NIPSNAP2: variants seen among roughly 807,000 people sequenced by gnomAD.
NIPSNAP2 encodes protein NipSnap homolog 2.
Under a neutral mutation model 48.4 loss-of-function variants are expected in NIPSNAP2, and 42 were observed. That is an observed-to-expected ratio of 0.87 (90% CI 0.68 to 1.12). The LOEUF is 1.12. Among genes scored for constraint, NIPSNAP2 ranks in the 50% most tolerant of loss-of-function variants. The pLI is 0.00. For synonymous variants in NIPSNAP2, 158 were observed against 126.6 expected (o/e 1.25, Z -1.67); for missense variants, 314 against 347.3 (o/e 0.90, Z 0.76).
At chr7:55,985,857 C>T (rs1033076418) in intron 7 of NIPSNAP2, among the ~76,000 whole-genome samples, 3 of 150,722 alleles carry the variant, frequency 2.0e-5, no homozygotes, top group South Asian at 2.1e-4. Flanking sequence ...AGACCAGCCT[C>T]GCTAACATGG....
At chr7:55,971,053 C>G (rs1379233013) in intron 1 of NIPSNAP2, among the ~76,000 whole-genome samples, 1 of 152,146 alleles carries the variant, frequency 6.6e-6, no homozygotes, top group African/African-American at 2.4e-5. Context: ...GACTTGATTT[C>G]AAGTCTAGTG....
intron 8 of NIPSNAP2, among the ~76,000 whole-genome samples, chr7:55,996,224 T>G (rs904820962): frequency 2.4e-4 from 35 of 148,166 alleles, no homozygotes; most frequent in African/African-American, 8.7e-4. Context: ...AGGCGGAGGT[T>G]GCAGTGAGCC....
At chr7:55,977,747 C>A (rs2116343774) in intron 1 of NIPSNAP2, among the ~76,000 whole-genome samples, 1 of 152,212 alleles carries the variant, frequency 6.6e-6, no homozygotes, top group East Asian at 1.9e-4. Flanking sequence ...AGAATTTCTT[C>A]ATCTTCCTAA....
Position 55,989,639 on chromosome 7 carries a change from A to G in NIPSNAP2, c.617+4761A>G, listed in dbSNP as rs545179133. 3.9e-5 allele frequency among the ~76,000 whole-genome samples: 6 copies of G among 152,144 alleles called. No homozygotes were observed. In the South Asian group the frequency reaches 1.2e-3, roughly 32 times the overall value. On this transcript the variant is annotated intron_variant, in intron 7 of 9. Coordinates refer to ENST00000322090, the MANE Select transcript of NIPSNAP2 (RefSeq NM_001483.3). ...GATCCTGTCCCAAAAAAGCCTCAAT[A>G]ATTAAGAGGGATGCAAGAATAAATT...
At chr7:55,997,641 C>G (rs991265911) in intron 9 of NIPSNAP2, among the ~76,000 whole-genome samples, 192 bp downstream of exon 9, 3 of 152,054 alleles carry the variant, frequency 2.0e-5, no homozygotes, top group Non-Finnish European at 4.4e-5. Flanking sequence ...AGTAGAATAT[C>G]CATGCTTTCA....
At chr7:55,997,509 C>T (rs1285913295) in intron 9 of NIPSNAP2, 60 bp downstream of exon 9, 2 of 1,285,018 alleles carry the variant, frequency 1.6e-6, no homozygotes, top group East Asian at 4.7e-5. Context: ...CATGTTCTTT[C>T]ACCCTGACAC....
At chr7:55,991,898 G>C (rs10435504) in intron 7 of NIPSNAP2, 155,358 of 217,058 alleles carry the variant, frequency 0.72, 56,290 homozygotes, top group Non-Finnish European at 0.76. Flanking sequence ...AGTATGTTTT[G>C]TTTGCCTACC....
At chr7:55,986,349 T>A (rs1410668717) in intron 7 of NIPSNAP2, among the ~76,000 whole-genome samples, 2 of 151,750 alleles carry the variant, frequency 1.3e-5, no homozygotes, top group Non-Finnish European at 2.9e-5. Flanking sequence ...TGGGAGAGAA[T>A]AAGACCCTGT....
At chr7:55,973,662 T>G (rs1474610199) in intron 1 of NIPSNAP2, among the ~76,000 whole-genome samples, 1 of 150,232 alleles carries the variant, frequency 6.7e-6, no homozygotes, top group Non-Finnish European at 1.5e-5. Context: ...TTTTGTAGTG[T>G]TAGTAGAGAC....
intron 5 of NIPSNAP2, among the ~76,000 whole-genome samples, chr7:55,983,240 A>G (rs766484175): frequency 6.6e-6 from 1 of 152,204 alleles, no homozygotes; most frequent in Non-Finnish European, 1.5e-5. Flanking sequence ...TGTTTGTCAC[A>G]CACATAGAGT....
chr7:55,994,864 T>A (rs1413031014), intron 7 of NIPSNAP2, 30 bp from the exon 8 acceptor site: 5 of 1,587,340 alleles, frequency 3.1e-6, no homozygotes, highest in Non-Finnish European at 4.3e-6. Flanking sequence ...TAATTCAGTG[T>A]CTTAAACAAA....
In NIPSNAP2 at chr7:55,977,730, C is replaced by G. The variant is rs142074555; in HGVS notation, c.93-396C>G. ...ATTTTGGGGAAACATCACTACCATTCATCTTGAGAATTTCTTCATCTTCCT... is the reference window on the plus strand; with the variant it reads ...ATTTTGGGGAAACATCACTACCATTGATCTTGAGAATTTCTTCATCTTCCT... On this transcript the variant is annotated intron_variant, in intron 1 of 9. Coordinates refer to ENST00000322090, the MANE Select transcript of NIPSNAP2 (RefSeq NM_001483.3). Among the ~76,000 whole-genome samples, 4 of 152,236 alleles carry G rather than the reference C, an allele frequency of 2.6e-5. No homozygotes were observed. In the East Asian group the frequency reaches 7.7e-4, roughly 29 times the overall value.
chr7:55,968,828 C>T (rs1269438316), intron 1 of NIPSNAP2, among the ~76,000 whole-genome samples: 1 of 152,080 alleles, frequency 6.6e-6, no homozygotes, highest in African/African-American at 2.4e-5. Context: ...AAGCTCAAGA[C>T]CAGCGTGGAC....
At chr7:55,996,471 G>T (rs892326988) in intron 8 of NIPSNAP2, among the ~76,000 whole-genome samples, 20 of 151,960 alleles carry the variant, frequency 1.3e-4, no homozygotes, top group Admixed American at 4.6e-4. Context: ...CCCATTGCTT[G>T]CCCTGCTCCC....
At chr7:55,972,413 G>A (rs982892507) in intron 1 of NIPSNAP2, among the ~76,000 whole-genome samples, 3 of 149,590 alleles carry the variant, frequency 2.0e-5, no homozygotes, top group East Asian at 1.9e-4. Flanking sequence ...AAAGTAATGC[G>A]TAAGTTTCTT....
chr7:55,973,090 A>G (rs780490227), intron 1 of NIPSNAP2, among the ~76,000 whole-genome samples: 65 of 152,032 alleles, frequency 4.3e-4, no homozygotes, highest in Non-Finnish European at 8.5e-4. Context: ...TGAGTGACAA[A>G]GTGAGACCCT....
intron 3 of NIPSNAP2, 34 bp from the exon 4 acceptor site, chr7:55,981,439 T>G (rs767688004): frequency 9.1e-5 from 141 of 1,546,710 alleles, no homozygotes; most frequent in Non-Finnish European, 1.2e-4. Flanking sequence ...TTTTGCTGGT[T>G]GTTTAATTAG....
At chr7:55,983,911 A>G (rs1787274018) in intron 6 of NIPSNAP2, 43 bp downstream of exon 6, 2 of 1,586,132 alleles carry the variant, frequency 1.3e-6, no homozygotes, top group South Asian at 2.3e-5. Flanking sequence ...TCCTCTGTGA[A>G]AAAGCACAAG....
intron 9 of NIPSNAP2, among the ~76,000 whole-genome samples, chr7:55,998,466 A>T (rs534401692): frequency 1.4e-4 from 21 of 150,998 alleles, no homozygotes; most frequent in Non-Finnish European, 2.8e-4. Context: ...ACCTCCCACA[A>T]ATAAAACAAA....
Sources: gnomAD v4.1 joint callset for allele counts (sites outside exome capture counted in the v4.1 genomes callset) on GRCh38, gnomAD v4.1.1 for gene constraint, MANE v1.5 for transcripts, NCBI Gene and HGNC (gene_info 2026-07-23, HGNC 2026-07-21) for gene names.